EGF: variants seen among roughly 807,000 people sequenced by gnomAD.
EGF encodes the protein pro-epidermal growth factor.
In EGF, 95 loss-of-function variants were observed where a neutral mutation model predicts 143.8. The ratio of observed to expected loss-of-function variants is 0.66; its 90% CI spans 0.56 to 0.78. The LOEUF (loss-of-function observed/expected upper bound fraction) is 0.78, where lower values mean the gene tolerates loss of function less well. Among genes scored for constraint, EGF ranks in the 30% least tolerant of loss-of-function variants. The pLI is 0.00. For missense variants in EGF, 1,320 were observed against 1,470.9 expected (o/e 0.90, Z 1.68); for synonymous variants, 510 against 510.5 (o/e 1.00, Z 0.01).
intron 1 of EGF, among the ~76,000 whole-genome samples, chr4:109,917,569 G>A (rs930876220): frequency 2.0e-5 from 3 of 151,922 alleles, no homozygotes; most frequent in African/African-American, 7.3e-5. Flanking sequence ...GGGATATTGT[G>A]TGATGGTGAG....
At chr4:109,954,693 T>C (rs554029583) in intron 5 of EGF, among the ~76,000 whole-genome samples, 1 of 152,194 alleles carries the variant, frequency 6.6e-6, no homozygotes, top group Admixed American at 6.5e-5. Context: ...AAAACTAACA[T>C]ATATTTTATG....
At chr4:109,914,939 G>T (rs913957830) in intron 1 of EGF, among the ~76,000 whole-genome samples, 1 of 152,164 alleles carries the variant, frequency 6.6e-6, no homozygotes, top group Non-Finnish European at 1.5e-5. Flanking sequence ...TGGTTGGGCC[G>T]ATCTATCAGG....
intron 1 of EGF, among the ~76,000 whole-genome samples, chr4:109,931,154 C>T (rs2125974294): frequency 6.6e-6 from 1 of 152,348 alleles, no homozygotes; most frequent in East Asian, 1.9e-4. Flanking sequence ...TCTGAAAAAA[C>T]ATTACCATAT....
chr4:109,941,256 C>T (rs1035886909), intron 2 of EGF, 111 bp downstream of exon 2: 9 of 967,416 alleles, frequency 9.3e-6, no homozygotes, highest in African/African-American at 6.6e-5. Context: ...AGTTCAAATG[C>T]GTGTCTGCCA....
chr4:109,916,611 T>A (rs1736703464), intron 1 of EGF, among the ~76,000 whole-genome samples: 4 of 152,056 alleles, frequency 2.6e-5, no homozygotes, highest in Admixed American at 2.6e-4. Flanking sequence ...GGGAGTGGAA[T>A]CTAGGCCTTA....
At position 109,987,850 on chromosome 4, in the gene EGF, A is replaced by G; in HGVS notation, c.2598A>G (p.Lys866=). The change falls in exon 17 of 24, where the codon AAA becomes AAG. Residue 866 remains lysine (K), a synonymous_variant. Coordinates refer to ENST00000265171, the MANE Select transcript of EGF (RefSeq NM_001963.6). ...TGAAAGGATTTGCTGGGGATGGAAA[A>G]CTATGTTCTGGTAAGAGAAAAGGGC... ...QCLKGFAGDG[K]LCSDIDECEM... 9 of 1,613,344 alleles carry G rather than the reference A, an allele frequency of 5.6e-6. No homozygotes were observed. Among genetic ancestry groups the G allele is most frequent in the African/African-American group, 1.3e-5 (1 of 74,994 alleles).
In EGF at chr4:110,011,018, G is replaced by A. The variant is rs532815348; in HGVS notation, c.3371-184G>A. Among the ~76,000 whole-genome samples, 13 of 151,608 alleles carry A rather than the reference G, an allele frequency of 8.6e-5. No individual in the cohort carries two copies. In the South Asian group the frequency reaches 2.5e-3, roughly 29 times the overall value. ...ACTGTGCCACTGCACAATCTGCCTG[G>A]ATGACAGAGTGAGATGCTTATCAAA... On this transcript the variant is annotated intron_variant, in intron 23 of 23. Coordinates refer to ENST00000265171, the MANE Select transcript of EGF (RefSeq NM_001963.6).
In EGF at chr4:109,963,301, T is replaced by C; in HGVS notation, c.1438+3T>C. The C allele has an allele frequency of 6.2e-7, 1 of 1,613,894 alleles. No homozygotes were observed. Among genetic ancestry groups the C allele is most frequent in the Non-Finnish European group, 8.5e-7 (1 of 1,179,880 alleles). On this transcript the variant is annotated splice_donor_region_variant and intron_variant, in intron 9 of 23. Coordinates refer to ENST00000265171, the MANE Select transcript of EGF (RefSeq NM_001963.6). The stretch of plus-strand genomic sequence containing the variant: ...TGAAAAAAGCTGTGCAGCTTCAGGT[T>C]AGTGCTGTGGTTGTCTGGAACTGTG...
chr4:110,006,810 G>A (rs1025874433), intron 22 of EGF, among the ~76,000 whole-genome samples: 4 of 152,220 alleles, frequency 2.6e-5, no homozygotes, highest in Admixed American at 6.5e-5. Context: ...CCCCACAGCC[G>A]TCATAACTGT....
At chr4:109,954,352 A>G (rs2126039066) in intron 5 of EGF, among the ~76,000 whole-genome samples, 1 of 152,242 alleles carries the variant, frequency 6.6e-6, no homozygotes. Context: ...GCGCCTGGCC[A>G]AAAGCATTAT....
intron 1 of EGF, among the ~76,000 whole-genome samples, chr4:109,937,263 A>G (rs1218889084): frequency 1.3e-5 from 2 of 151,580 alleles, no homozygotes; most frequent in Admixed American, 6.6e-5. Context: ...TTCTTGCTGC[A>G]TTGATCCCTT....
chr4:109,917,386 A>G (rs1186832614), intron 1 of EGF, among the ~76,000 whole-genome samples: 1 of 152,246 alleles, frequency 6.6e-6, no homozygotes, highest in Non-Finnish European at 1.5e-5. Context: ...GGCTCAAGCA[A>G]ATTAAAAACC....
intron 21 of EGF, among the ~76,000 whole-genome samples, chr4:110,003,497 C>G (rs1752843003): frequency 1.3e-5 from 2 of 152,228 alleles, no homozygotes; most frequent in South Asian, 4.2e-4. Context: ...TCTGTGATGC[C>G]AGATTCACAG....
chr4:109,943,236 TA>T lies in EGF; in HGVS notation c.328-14del. On this transcript the variant is annotated splice_polypyrimidine_tract_variant and intron_variant, in intron 2 of 23. Transcript: ENST00000265171. The stretch of plus-strand genomic sequence containing the variant: ...ATGGGGGAAGTATTAATAACAATTT[TA>T]AAATTTGATTTTGCAGAGAGTATGT... 1 of 1,548,832 alleles carries T rather than the reference TA, an allele frequency of 6.5e-7. No homozygotes were observed. Among genetic ancestry groups the T allele is most frequent in the Non-Finnish European group, 8.8e-7 (1 of 1,139,526 alleles).
chr4:109,962,747 T>C (rs1745907266), intron 8 of EGF, among the ~76,000 whole-genome samples: 2 of 152,170 alleles, frequency 1.3e-5, no homozygotes, highest in South Asian at 2.1e-4. Flanking sequence ...TGCAGCCATA[T>C]GAATGATTGT....
chr4:109,935,373 G>C (rs1386082227), intron 1 of EGF, among the ~76,000 whole-genome samples: 1 of 152,042 alleles, frequency 6.6e-6, no homozygotes, highest in African/African-American at 2.4e-5. Context: ...TTGGTATATA[G>C]GAATGCTTGT....
chr4:109,916,566 G>A (rs1274098868), intron 1 of EGF, among the ~76,000 whole-genome samples: 1 of 151,962 alleles, frequency 6.6e-6, no homozygotes, highest in Non-Finnish European at 1.5e-5. Context: ...ATGTCTGGGT[G>A]GCCACCCCGG....
intron 5 of EGF, among the ~76,000 whole-genome samples, chr4:109,958,445 C>A (rs762965733): frequency 6.6e-6 from 1 of 152,160 alleles, no homozygotes; most frequent in Non-Finnish European, 1.5e-5. Flanking sequence ...AAACACCCAA[C>A]TCGCTGAGCA....
At position 110,010,279 on chromosome 4, in the gene EGF, A is replaced by T. The variant is rs11569136; in HGVS notation, c.3371-923A>T. Among the ~76,000 whole-genome samples the T allele has an allele frequency of 4.3e-3, 648 of 152,138 alleles. 1 individual carries two copies. Among genetic ancestry groups the T allele is most frequent in the African/African-American group, 0.015 (608 of 41,512 alleles). ...ATAGAGACTCCATCTCAAAAACAAAAAACAAAAAACCTGAGCTCTATCTAC... is the reference window on the plus strand; with the variant it reads ...ATAGAGACTCCATCTCAAAAACAAATAACAAAAAACCTGAGCTCTATCTAC... On this transcript the variant is annotated intron_variant, in intron 23 of 23. Transcript: ENST00000265171.
Sources: allele counts gnomAD v4.1 joint callset (sites outside exome capture counted in the v4.1 genomes callset), GRCh38; gene constraint gnomAD v4.1.1; transcripts MANE v1.5; gene names NCBI Gene and HGNC (gene_info 2026-07-23, HGNC 2026-07-21).